The following MTRF1 variants were observed in gnomAD, a reference collection of about 807,000 sequenced individuals.
MTRF1 encodes mitochondrial translation release factor 1.
A neutral mutation model predicts 62.9 loss-of-function variants in MTRF1; 51 were observed. That is an observed-to-expected ratio of 0.81 (90% CI 0.65 to 1.02). The LOEUF is 1.02. Among genes scored for constraint, MTRF1 ranks in the 50% least tolerant of loss-of-function variants. MTRF1 has a pLI of 0.00. For missense variants in MTRF1, 446 were observed against 530.0 expected, an observed-to-expected ratio of 0.84 and a Z score of 1.56; for synonymous variants, 158 against 181.9, an observed-to-expected ratio of 0.87 and a Z score of 1.06.
At chr13:41,274,695 T>TAA in the MTRF1 span, among the ~76,000 whole-genome samples, 216 of 147,738 alleles carry the variant, frequency 1.5e-3, no homozygotes, top group African/African-American at 5.0e-3. Flanking sequence ...AATAATAATA[T>TAA]TATTTTTTGA....
At chr13:41,282,608 C>T in the MTRF1 span, among the ~76,000 whole-genome samples, 2 of 152,192 alleles carry the variant, frequency 1.3e-5, no homozygotes, top group African/African-American at 2.4e-5. Context: ...ACCTTCCCTA[C>T]GTTGCTAGCT....
At chr13:41,284,024 A>T in the MTRF1 span, among the ~76,000 whole-genome samples, 24 of 152,182 alleles carry the variant, frequency 1.6e-4, no homozygotes, top group South Asian at 8.3e-4. Flanking sequence ...ATCAGGTAAG[A>T]CGCAACCACA....
the MTRF1 span, among the ~76,000 whole-genome samples, chr13:41,293,152 TTGTG>T: frequency 4.0e-5 from 6 of 150,294 alleles, no homozygotes; most frequent in Admixed American, 1.3e-4. Flanking sequence ...TGTGAAATCT[TTGTG>T]TGTGTGTGTG....
rs1467447588 is a variant in MTRF1, at chr13:41,240,534, C to T, written c.698-101G>A. ...AAGGCCTGAATGTTGAGTACAGAGCCTAAGATGAGAACATAAAGCATGGGA... is the reference window on the plus strand; with the variant it reads ...AAGGCCTGAATGTTGAGTACAGAGCTTAAGATGAGAACATAAAGCATGGGA... On this transcript the variant is annotated intron_variant, in intron 5 of 9. Coordinates refer to ENST00000379480, the MANE Select transcript of MTRF1 (RefSeq NM_004294.4). The T allele has an allele frequency of 4.7e-6, 5 of 1,072,700 alleles. No homozygotes were observed. In the Admixed American group the frequency reaches 9.9e-5, roughly 21 times the overall value. 66.4% of individuals were successfully genotyped at this position (1,072,700 alleles called of 1,614,324 possible). A position where few individuals can be genotyped will look rare whatever the true frequency, so the allele number is the denominator to read the frequency against.
chr13:41,255,364 G>A (rs184583646), intron 2 of MTRF1, among the ~76,000 whole-genome samples: 8 of 152,178 alleles, frequency 5.3e-5, no homozygotes, highest in East Asian at 3.9e-4. Flanking sequence ...TTACAGGTGC[G>A]TGCCACTGTG....
chr13:41,234,222 G>T (rs1459912117), intron 6 of MTRF1, among the ~76,000 whole-genome samples: 1 of 152,204 alleles, frequency 6.6e-6, no homozygotes, highest in African/African-American at 2.4e-5. Flanking sequence ...CTGTTGCCTA[G>T]GCTGGAGTAT....
At chr13:41,238,214 G>C (rs775181871) in intron 6 of MTRF1, among the ~76,000 whole-genome samples, 2 of 152,122 alleles carry the variant, frequency 1.3e-5, no homozygotes, top group Non-Finnish European at 1.5e-5. Flanking sequence ...TCTGAGGCAG[G>C]ATAGTACAAA....
intron 5 of MTRF1, among the ~76,000 whole-genome samples, chr13:41,246,075 C>A (rs1423894762): frequency 6.6e-6 from 1 of 152,170 alleles, no homozygotes; most frequent in Non-Finnish European, 1.5e-5. Context: ...AGAGCGTAAA[C>A]CTCCTCCCAG....
the MTRF1 span, among the ~76,000 whole-genome samples, chr13:41,296,727 A>T: frequency 6.6e-6 from 1 of 152,086 alleles, no homozygotes; most frequent in African/African-American, 2.4e-5. Flanking sequence ...TTATATTTGT[A>T]TGAATATGTT....
the MTRF1 span, among the ~76,000 whole-genome samples, chr13:41,288,589 T>G: frequency 2.2e-4 from 33 of 152,284 alleles, no homozygotes; most frequent in African/African-American, 6.7e-4. Context: ...TCTATTTAGG[T>G]GAGTGCAAAA....
At chr13:41,265,693 A>G (rs946598429), upstream of MTRF1, among the ~76,000 whole-genome samples, 6 of 152,038 alleles carry the variant, frequency 3.9e-5, no homozygotes, top group Non-Finnish European at 7.4e-5. Flanking sequence ...AGGTTACGTG[A>G]GTACACTGTG....
the MTRF1 span, chr13:41,311,666 CGGGCCA>C: frequency 7.5e-7 from 1 of 1,337,808 alleles, no homozygotes; most frequent in Middle Eastern, 2.3e-4. Flanking sequence ...GCGGCCGGCG[CGGGCCA>C]GGCTTGGCCT....
At chr13:41,275,376 A>G in the MTRF1 span, among the ~76,000 whole-genome samples, 1 of 151,554 alleles carries the variant, frequency 6.6e-6, no homozygotes, top group African/African-American at 2.4e-5. Flanking sequence ...AATTTGTTGT[A>G]TTTTTAGTAG....
chr13:41,286,831 T>C, the MTRF1 span, among the ~76,000 whole-genome samples: 1 of 152,254 alleles, frequency 6.6e-6, no homozygotes, highest in Non-Finnish European at 1.5e-5. Flanking sequence ...GAGTTTGTTA[T>C]ACTCATTTCA....
the MTRF1 span, among the ~76,000 whole-genome samples, chr13:41,273,314 A>C: frequency 1.4e-5 from 2 of 146,178 alleles, no homozygotes; most frequent in Non-Finnish European, 1.5e-5. Context: ...CTACAGAGCG[A>C]GACTCCGTCT....
chr13:41,239,634 GT>G (rs758065940), intron 6 of MTRF1, among the ~76,000 whole-genome samples: 10 of 151,884 alleles, frequency 6.6e-5, no homozygotes, highest in Non-Finnish European at 1.3e-4. Flanking sequence ...TAGATACATG[GT>G]CCCCATACTG....
At chr13:41,263,089 G>C (rs1594091252) in intron 1 of MTRF1, among the ~76,000 whole-genome samples, 1 of 152,190 alleles carries the variant, frequency 6.6e-6, no homozygotes, top group African/African-American at 2.4e-5. Context: ...AAGCACGTTA[G>C]AGAAAGTGTA....
intron 6 of MTRF1, among the ~76,000 whole-genome samples, chr13:41,234,536 T>G (rs1249770405): frequency 6.6e-6 from 1 of 152,130 alleles, no homozygotes; most frequent in Non-Finnish European, 1.5e-5. Flanking sequence ...GAGTTTTCAA[T>G]CTTTCAAAAG....
chr13:41,262,024 A>T (rs1270228991), intron 1 of MTRF1: 2 of 152,940 alleles, frequency 1.3e-5, no homozygotes, highest in African/African-American at 4.8e-5. Flanking sequence ...ATTTTTTAAA[A>T]AGAAAGTTAA....
Sources: gnomAD v4.1 joint callset for allele counts (sites outside exome capture counted in the v4.1 genomes callset) on GRCh38, gnomAD v4.1.1 for gene constraint, MANE v1.5 for transcripts, NCBI Gene and HGNC (gene_info 2026-07-23, HGNC 2026-07-21) for gene names.